Variants in TMTC3 observed in about 807,000 individuals in gnomAD.
TMTC3 encodes the protein protein O-mannosyl-transferase TMTC3.
Under a neutral mutation model 92.2 loss-of-function variants are expected in TMTC3, and 52 were observed. The observed-to-expected ratio is 0.56, with a 90% confidence interval of 0.45 to 0.71. The LOEUF is 0.71. TMTC3 is among the 30% of genes least tolerant of loss of function. TMTC3 has a pLI of 0.00. For missense variants in TMTC3, 896 were observed against 1,057.1 expected, an observed-to-expected ratio of 0.85 and a Z score of 2.11; for synonymous variants, 339 against 363.3, an observed-to-expected ratio of 0.93 and a Z score of 0.76.
Position 88,197,337 on chromosome 12 carries a change from G to A in TMTC3, c.*1688G>A, listed in dbSNP as rs1276478683. On this transcript the variant is annotated 3_prime_UTR_variant, in exon 14 of 14. Transcript: ENST00000266712. ...AGTGGGAGTTGGTCTTGATCTAGGA[G>A]ATTCTGTTAAGCATCCAAAAACAAT... The A allele has an allele frequency of 2.0e-5, 3 of 146,976 alleles. No individual in the cohort carries two copies. Among genetic ancestry groups the A allele is most frequent in the Non-Finnish European group, 4.5e-5 (3 of 66,964 alleles). The allele number at this position is 146,976 out of a possible 1,614,324, so 9.1% of individuals were successfully genotyped here. A position where few individuals can be genotyped will look rare whatever the true frequency, so the allele number is the denominator to read the frequency against.
chr12:88,151,571 T>C (rs931606158), intron 2 of TMTC3, among the ~76,000 whole-genome samples: 2 of 152,216 alleles, frequency 1.3e-5, no homozygotes, highest in African/African-American at 4.8e-5. Context: ...TAATGAGTTA[T>C]GTGAATAATT....
intron 8 of TMTC3, chr12:88,173,010 G>A (rs1162791159): frequency 7.3e-7 from 1 of 1,371,996 alleles, no homozygotes; most frequent in African/African-American, 1.4e-5. Flanking sequence ...TGAAAACAAG[G>A]ATGTTACTGA....
intron 7 of TMTC3, 134 bp downstream of exon 7, chr12:88,166,716 T>TCAA: frequency 2.0e-6 from 2 of 988,034 alleles, no homozygotes; most frequent in Non-Finnish European, 1.4e-6. Context: ...TTTATAAACG[T>TCAA]ATTTGAGTTT....
rs1165990792 is a variant in TMTC3 at position 88,197,550 on chromosome 12, T to TTAA, written c.*1904_*1906dup. On this transcript the variant is annotated 3_prime_UTR_variant, in exon 14 of 14. Coordinates refer to ENST00000266712, the MANE Select transcript of TMTC3 (RefSeq NM_181783.4). The stretch of plus-strand genomic sequence containing the variant: ...TCAAGTGGAGGGTAGTTCAGAAAAG[T>TTAA]TAATAGGAAATCTTTTGTGACAGCA... The TTAA allele has an allele frequency of 6.6e-6, 1 of 152,262 alleles. No individual in the cohort carries two copies. The highest frequency in any genetic ancestry group is 1.5e-5 in the Non-Finnish European group (1 of 67,874). 9.4% of individuals were successfully genotyped at this position (152,262 alleles called of 1,614,324 possible).
rs1422499465 is a variant in TMTC3, at chr12:88,192,738, A to G, written c.1841A>G (p.Asn614Ser). 1.2e-6 allele frequency: 2 copies of G among 1,613,554 alleles called. No individual in the cohort carries two copies. The highest frequency in any genetic ancestry group is 2.2e-5 in the South Asian group (2 of 91,076). Residue 614 changes from asparagine (N) to serine (S), a missense_variant, in exon 13 of 14, where the codon AAT (asparagine) becomes AGT (serine). Coordinates refer to ENST00000266712, the MANE Select transcript of TMTC3 (RefSeq NM_181783.4). The part of the protein sequence containing the change: ...AIVHIELKEP[N>S]EALKNFNRAL... ...GTACATATTGAACTTAAAGAACCAA[A>G]TGAAGCCCTAAAAAACTTTAATCGT...
In TMTC3 at chr12:88,190,391, A is replaced by G. The variant is rs1447769009; in HGVS notation, c.1537-62A>G. On this transcript the variant is annotated intron_variant, in intron 11 of 13. Transcript: ENST00000266712. ...TTATTTTGAATTAGCCAATAGGAATATGTACTTTTGATTTTTGATACTGAA... is the reference window on the plus strand; with the variant it reads ...TTATTTTGAATTAGCCAATAGGAATGTGTACTTTTGATTTTTGATACTGAA... The G allele has an allele frequency of 8.9e-6, 13 of 1,463,288 alleles. No individual in the cohort carries two copies. The East Asian group carries it at 2.7e-4, about 31-fold the overall frequency. 90.6% of individuals were successfully genotyped at this position (1,463,288 alleles called of 1,614,324 possible). A position where few individuals can be genotyped will look rare whatever the true frequency, so the allele number is the denominator to read the frequency against.
At chr12:88,155,795 A>G (rs1270838021) in intron 4 of TMTC3, among the ~76,000 whole-genome samples, 4 of 152,146 alleles carry the variant, frequency 2.6e-5, no homozygotes, top group Non-Finnish European at 5.9e-5. Context: ...CAATTCTAAT[A>G]TCTTGCTGTA....
chr12:88,189,390 C>A (rs972142185), intron 11 of TMTC3, among the ~76,000 whole-genome samples: 12 of 152,182 alleles, frequency 7.9e-5, no homozygotes, highest in Middle Eastern at 3.4e-3. Context: ...CTGCGCCCGG[C>A]CGTAGCTCAC....
chr12:88,161,601 TTC>T (rs2041080234), intron 6 of TMTC3, among the ~76,000 whole-genome samples: 1 of 151,896 alleles, frequency 6.6e-6, no homozygotes, highest in South Asian at 2.1e-4. Context: ...TAAAATTGTT[TTC>T]TCTTTGTCTC....
Position 88,181,556 on chromosome 12 carries a change from A to G in TMTC3, c.1432+5237A>G, listed in dbSNP as rs563970088. Among the ~76,000 whole-genome samples, 8 of 152,208 alleles carry G rather than the reference A, an allele frequency of 5.3e-5. No individual in the cohort carries two copies. In the South Asian group the frequency reaches 1.0e-3, roughly 20 times the overall value. ...GTTCATTGCCATAAGCCAGTGGGCC[A>G]GGCAGTGAGCTGTGGGCTCGAGTAT... On this transcript the variant is annotated intron_variant, in intron 10 of 13. Coordinates refer to ENST00000266712, the MANE Select transcript of TMTC3 (RefSeq NM_181783.4).
intron 7 of TMTC3, 129 bp from the exon 8 acceptor site, chr12:88,172,468 G>A (rs1200471656): frequency 2.4e-6 from 1 of 410,270 alleles, no homozygotes; most frequent in East Asian, 5.4e-5. Flanking sequence ...AAATAGTTTA[G>A]CAGTACACTA....
chr12:88,196,866 T>C lies in TMTC3; in HGVS notation c.*1217T>C, dbSNP rs1427462662. 1 of 151,856 alleles carries C rather than the reference T, an allele frequency of 6.6e-6. No individual in the cohort carries two copies. The highest frequency in any genetic ancestry group is 1.5e-5 in the Non-Finnish European group (1 of 67,780). The allele number at this position is 151,856 out of a possible 1,614,324, so 9.4% of individuals were successfully genotyped here. A position where few individuals can be genotyped will look rare whatever the true frequency, so the allele number is the denominator to read the frequency against. Reference sequence around the variant, plus strand: ...TGGATATAAAAGATAATTAGCCTACTATAGTATTAATAAATTTTTCAGTTG... The same window carrying C: ...TGGATATAAAAGATAATTAGCCTACCATAGTATTAATAAATTTTTCAGTTG... On this transcript the variant is annotated 3_prime_UTR_variant, in exon 14 of 14. Coordinates refer to ENST00000266712, the MANE Select transcript of TMTC3 (RefSeq NM_181783.4).
Position 88,194,958 on chromosome 12 carries a change from A to G in TMTC3, c.2054A>G (p.Asn685Ser), listed in dbSNP as rs202187635. Reference protein sequence around the residue: ...GMLAMDDKKDNEAEIWMKKAI... With the variant: ...GMLAMDDKKDSEAEIWMKKAI... ...CTTGCCATGGATGACAAAAAGGACA[A>G]TGAAGCAGAGATTTGGATGAAGAAA... Residue 685 changes from asparagine to serine, a missense_variant, in exon 14 of 14, where the codon AAT becomes AGT. By Grantham distance (46) the Asn-to-Ser change is conservative. Transcript: ENST00000266712. The G allele has an allele frequency of 3.1e-6, 5 of 1,613,850 alleles. No homozygotes were observed. Among genetic ancestry groups the G allele is most frequent in the African/African-American group, 1.3e-5 (1 of 75,030 alleles).
chr12:88,194,034 C>T (rs1446628240), intron 13 of TMTC3, among the ~76,000 whole-genome samples: 1 of 151,976 alleles, frequency 6.6e-6, no homozygotes. Flanking sequence ...ATAGCCTAGG[C>T]AACATAGTAA....
At chr12:88,164,482 C>T (rs1435580030) in intron 6 of TMTC3, among the ~76,000 whole-genome samples, 1 of 152,012 alleles carries the variant, frequency 6.6e-6, no homozygotes, top group Non-Finnish European at 1.5e-5. Context: ...GTATTACAGT[C>T]CTTTTTCACC....
intron 3 of TMTC3, 26 bp downstream of exon 3, chr12:88,153,535 T>C (rs750746216): frequency 7.0e-7 from 1 of 1,424,098 alleles, no homozygotes. Flanking sequence ...AACTGACTTT[T>C]TTTCTTTTTC....
At chr12:88,177,024 G>C (rs1349324774) in intron 10 of TMTC3, among the ~76,000 whole-genome samples, 1 of 151,990 alleles carries the variant, frequency 6.6e-6, no homozygotes, top group Non-Finnish European at 1.5e-5. Flanking sequence ...AGAGGGTTTT[G>C]GCTTTTTTAA....
At chr12:88,175,845 CTAAAAA>C (rs2041253912) in intron 9 of TMTC3, among the ~76,000 whole-genome samples, 1 of 152,136 alleles carries the variant, frequency 6.6e-6, no homozygotes, top group Admixed American at 6.5e-5. Flanking sequence ...TATGTCAAGT[CTAAAAA>C]TAAGTCATCA....
At chr12:88,189,278 G>A (rs1592750414) in intron 11 of TMTC3, among the ~76,000 whole-genome samples, 1 of 151,864 alleles carries the variant, frequency 6.6e-6, no homozygotes, top group African/African-American at 2.4e-5. Flanking sequence ...ATTTTTAGTA[G>A]AGACAGGGTT....
Sources: allele counts gnomAD v4.1 joint callset (sites outside exome capture counted in the v4.1 genomes callset), GRCh38; gene constraint gnomAD v4.1.1; transcripts MANE v1.5; gene names NCBI Gene and HGNC (gene_info 2026-07-23, HGNC 2026-07-21).